ATP5F1A: variants seen among roughly 807,000 people sequenced by gnomAD.
ATP5F1A encodes the protein ATP synthase F1 subunit alpha.
ATP5F1A carries 24 observed loss-of-function variants against 57.4 expected under a neutral mutation model. That is an observed-to-expected ratio of 0.42 (90% CI 0.30 to 0.59). The LOEUF (loss-of-function observed/expected upper bound fraction) is 0.59, where lower values mean the gene tolerates loss of function less well. ATP5F1A is among the 20% of genes least tolerant of loss of function. The pLI, the probability that ATP5F1A is intolerant of heterozygous loss-of-function variation, is 0.19. For missense variants in ATP5F1A, 494 were observed against 707.9 expected, an observed-to-expected ratio of 0.70 and a Z score of 3.43; for synonymous variants, 251 against 255.5, an observed-to-expected ratio of 0.98 and a Z score of 0.17.
At position 46,083,441 on chromosome 18, in the gene ATP5F1A, CA is replaced by C. The variant is rs1909873521; in HGVS notation, c.*840del. 6.6e-6 allele frequency: 1 copy of C among 152,166 alleles called. No individual in the cohort carries two copies. The highest frequency in any genetic ancestry group is 6.6e-5 in the Admixed American group (1 of 15,266). The allele number at this position is 152,166 out of a possible 1,614,324, so 9.4% of individuals were successfully genotyped here. ...GGTGAGAGAGATGGAGACCCTGTCA[CA>C]AAACAAACAAAAGAGATATTGACAA... On this transcript the variant is annotated 3_prime_UTR_variant, in exon 12 of 12. Transcript: ENST00000398752.
intron 3 of ATP5F1A, among the ~76,000 whole-genome samples, chr18:46,090,454 CGAGT>C (rs2144193139): frequency 6.6e-6 from 1 of 151,714 alleles, no homozygotes; most frequent in East Asian, 1.9e-4. Context: ...CTGTACTCTT[CGAGT>C]TAGTAGAAAG....
In ATP5F1A at chr18:46,091,739, T is replaced by A. The variant is rs142430605; in HGVS notation, c.252A>T (p.Val84=). ...VLSIGDGIAR[V]HGLRNVQAEE... ...CTGCTTGAACATTCCTCAGCCCATG[T>A]ACGCGGGCAATACCATCACCAATAC... Residue 84 remains valine (V), a synonymous_variant, in exon 3 of 12, where the codon GTA becomes GTT. Coordinates refer to ENST00000398752, the MANE Select transcript of ATP5F1A (RefSeq NM_004046.6). 3.6e-5 allele frequency: 58 copies of A among 1,613,802 alleles called. No individual in the cohort carries two copies. Among genetic ancestry groups the A allele is most frequent in the Non-Finnish European group, 4.7e-5 (56 of 1,179,982 alleles).
At position 46,084,513 on chromosome 18, in the gene ATP5F1A, C is replaced by T. The variant is rs775805857; in HGVS notation, c.1571G>A (p.Gly524Asp). ...HVVSQHQALL[G>D]TIRADGKISE... ...ACAATTGCATTCATACCTGATAGTG[C>T]CCAACAAGGCTTGGTGCTGGCTGAC... The change falls in exon 11 of 12, where the codon GGC becomes GAC. Residue 524 changes from glycine to aspartate, a missense_variant. By Grantham distance (94) the Gly-to-Asp change is moderately conservative. This residue lies in a region of ATP5F1A where 127 missense variants were observed against 195.2 expected (regional missense o/e 0.65). Transcript: ENST00000398752. 1.2e-4 allele frequency: 192 copies of T among 1,595,560 alleles called. 7 individuals are homozygous for T. The South Asian group carries it at 2.1e-3, about 18-fold the overall frequency.
intron 8 of ATP5F1A, chr18:46,086,729 A>G (rs1910126271): frequency 1.7e-6 from 1 of 596,408 alleles, no homozygotes; most frequent in Non-Finnish European, 2.9e-6. Context: ...ATACAAATGA[A>G]GTGATATAAT....
chr18:46,092,053 C>T, intron 2 of ATP5F1A: 1 of 330,228 alleles, frequency 3.0e-6, no homozygotes, highest in East Asian at 5.6e-5. Context: ...TGCCTGTAAT[C>T]CCAGCTACTC....
At chr18:46,095,662 G>C (rs1910892889) in intron 1 of ATP5F1A, among the ~76,000 whole-genome samples, 1 of 151,468 alleles carries the variant, frequency 6.6e-6, no homozygotes, top group Admixed American at 6.6e-5. Context: ...TGTCACCCAG[G>C]TCGGAGTGCA....
chr18:46,097,969 G>C (rs879054933), intron 1 of ATP5F1A: 25 of 1,403,804 alleles, frequency 1.8e-5, no homozygotes, highest in Middle Eastern at 2.6e-4. Flanking sequence ...TTAACTGTCT[G>C]CCCTGTACCA....
At chr18:46,100,339 T>C (rs1911240956), upstream of ATP5F1A, among the ~76,000 whole-genome samples, 1 of 151,472 alleles carries the variant, frequency 6.6e-6, no homozygotes, top group Non-Finnish European at 1.5e-5. Flanking sequence ...GACAAATCTA[T>C]AAATTTAAAA....
chr18:46,094,598 C>CA (rs1910808066), intron 2 of ATP5F1A: 1 of 152,070 alleles, frequency 6.6e-6, no homozygotes, highest in African/African-American at 2.4e-5. Context: ...ACTCAGGAGA[C>CA]AGAGGTTGCA....
intron 1 of ATP5F1A, chr18:46,097,741 G>T: frequency 1.2e-6 from 1 of 867,714 alleles, no homozygotes; most frequent in Non-Finnish European, 1.4e-6. Flanking sequence ...TTCACACAAT[G>T]TCAGACTCCA....
chr18:46,087,616 A>T, intron 6 of ATP5F1A, 124 bp from the exon 7 acceptor site: 13 of 1,142,726 alleles, frequency 1.1e-5, no homozygotes, highest in Non-Finnish European at 1.5e-5. Flanking sequence ...GCAGTGGCTC[A>T]TGCCTGTAAT....
At chr18:46,098,534 C>CA, upstream of ATP5F1A, 2 of 488,740 alleles carry the variant, frequency 4.1e-6, no homozygotes, top group South Asian at 8.7e-5. Flanking sequence ...CTTGTGGTTG[C>CA]CCCGGGTGAC....
At chr18:46,103,525 C>A (rs1179087790) in intron 1 of ATP5F1A, among the ~76,000 whole-genome samples, 1 of 141,160 alleles carries the variant, frequency 7.1e-6, no homozygotes, top group South Asian at 2.3e-4. Flanking sequence ...CGCTTGAACC[C>A]GGGAAGCAGA....
At chr18:46,086,548 T>C in intron 8 of ATP5F1A, 54 bp from the exon 9 acceptor site, 3 of 1,511,988 alleles carry the variant, frequency 2.0e-6, no homozygotes, top group Non-Finnish European at 9.0e-7. Flanking sequence ...AAATCAACTA[T>C]CTTCAAATTT....
At chr18:46,098,694 A>G (rs1216300318), upstream of ATP5F1A, among the ~76,000 whole-genome samples, 1 of 152,154 alleles carries the variant, frequency 6.6e-6, no homozygotes, top group Non-Finnish European at 1.5e-5. Context: ...TAGCACGAGT[A>G]GCAACAGTGA....
At chr18:46,092,007 A>G in intron 2 of ATP5F1A, 156 bp from the exon 3 acceptor site, 1 of 530,214 alleles carries the variant, frequency 1.9e-6, no homozygotes, top group Non-Finnish European at 3.1e-6. Flanking sequence ...CCCTGTCTCT[A>G]CTAAAAATAC....
intron 2 of ATP5F1A, 103 bp downstream of exon 2, chr18:46,094,950 G>A (rs1482864081): frequency 2.2e-6 from 3 of 1,390,340 alleles, no homozygotes; most frequent in East Asian, 2.5e-5. Context: ...ACAAACTAGA[G>A]AAAAAACTAA....
At chr18:46,084,681 G>C in intron 10 of ATP5F1A, 27 bp from the exon 11 acceptor site, 2 of 1,523,448 alleles carry the variant, frequency 1.3e-6, no homozygotes, top group Non-Finnish European at 1.8e-6. Flanking sequence ...AGAATGCCAA[G>C]TGAGTTGCTC....
upstream of ATP5F1A, among the ~76,000 whole-genome samples, chr18:46,101,076 C>A (rs1017445410): frequency 2.0e-5 from 3 of 151,932 alleles, no homozygotes; most frequent in African/African-American, 7.3e-5. Context: ...CATCTCAAAA[C>A]AAACAAACAA....
Sources: gnomAD v4.1 joint callset for allele counts (sites outside exome capture counted in the v4.1 genomes callset) on GRCh38, gnomAD v4.1.1 for gene constraint, gnomAD v4.1.1 regional missense constraint, MANE v1.5 for transcripts, NCBI Gene and HGNC (gene_info 2026-07-23, HGNC 2026-07-21) for gene names.